The following WDFY1 variants were observed in gnomAD, a reference collection of about 807,000 sequenced individuals.
The protein encoded by WDFY1 is WD repeat and FYVE domain-containing protein 1.
WDFY1 carries 32 observed loss-of-function variants against 56.4 expected under a neutral mutation model. That is an observed-to-expected ratio of 0.57 (90% CI 0.43 to 0.76). The LOEUF (loss-of-function observed/expected upper bound fraction) is 0.76. WDFY1 is among the 30% of genes least tolerant of loss of function. The probability of loss-of-function intolerance (pLI) is 0.00; values close to 1 mark genes in which losing one functional copy is unlikely to be tolerated. For missense variants in WDFY1, 480 were observed against 545.7 expected, an observed-to-expected ratio of 0.88 and a Z score of 1.20; for synonymous variants, 192 against 197.3, an observed-to-expected ratio of 0.97 and a Z score of 0.23.
chr2:223,888,347 C>T (rs978467894), intron 8 of WDFY1, among the ~76,000 whole-genome samples: 2 of 151,986 alleles, frequency 1.3e-5, no homozygotes, highest in East Asian at 1.9e-4. Flanking sequence ...GGATTACAGG[C>T]GTGAGCCACT....
At chr2:223,917,643 G>A (rs1693810927) in intron 2 of WDFY1, among the ~76,000 whole-genome samples, 1 of 151,868 alleles carries the variant, frequency 6.6e-6, no homozygotes, top group Non-Finnish European at 1.5e-5. Context: ...GAGCAACCTT[G>A]ACCCATTGCA....
chr2:223,911,565 A>ACC (rs773973211), intron 3 of WDFY1, among the ~76,000 whole-genome samples: 8 of 99,420 alleles, frequency 8.0e-5, no homozygotes, highest in African/African-American at 2.5e-4. Context: ...TAGCTGAATG[A>ACC]CCACACACAC....
At chr2:223,934,638 G>A (rs560502490) in intron 1 of WDFY1, among the ~76,000 whole-genome samples, 2 of 151,818 alleles carry the variant, frequency 1.3e-5, no homozygotes, top group African/African-American at 2.4e-5. Context: ...CTCCTGCCTC[G>A]ACCTCCCCAG....
At chr2:223,930,320 A>G (rs1694053375) in intron 1 of WDFY1, among the ~76,000 whole-genome samples, 1 of 152,178 alleles carries the variant, frequency 6.6e-6, no homozygotes, top group African/African-American at 2.4e-5. Flanking sequence ...GAGATGGAAT[A>G]TATTTCTCTG....
chr2:223,921,418 T>C lies in WDFY1; in HGVS notation c.138-3408A>G, dbSNP rs1342081943. ...AAAGTCAAGACTGCAGGAAACTCCA[T>C]AGAGAAATGACTCACTTTCTTCTAC... On this transcript the variant is annotated intron_variant, in intron 1 of 11. Transcript: ENST00000233055. Among the ~76,000 whole-genome samples the C allele has an allele frequency of 3.9e-5, 6 of 151,956 alleles. No individual in the cohort carries two copies. The South Asian group carries it at 6.2e-4, about 16-fold the overall frequency.
chr2:223,898,390 CTTATT>C (rs888722415), intron 6 of WDFY1, among the ~76,000 whole-genome samples: 1 of 152,038 alleles, frequency 6.6e-6, no homozygotes, highest in African/African-American at 2.4e-5. Context: ...AGCACAATAA[CTTATT>C]TTATTTTTAT....
At chr2:223,912,437 G>C in intron 2 of WDFY1, 111 bp from the exon 3 acceptor site, 1 of 788,732 alleles carries the variant, frequency 1.3e-6, no homozygotes, top group Non-Finnish European at 1.9e-6. Context: ...TTCACAGAAA[G>C]AGGGTAAAAA....
chr2:223,885,008 A>G (rs1693148958), intron 8 of WDFY1, among the ~76,000 whole-genome samples: 1 of 151,544 alleles, frequency 6.6e-6, no homozygotes, highest in South Asian at 2.1e-4. Flanking sequence ...CTCCAGGCTA[A>G]TTTCTGTATT....
chr2:223,906,093 A>C (rs1021968299), intron 3 of WDFY1, 92 bp from the exon 4 acceptor site: 3 of 1,010,768 alleles, frequency 3.0e-6, no homozygotes. Flanking sequence ...TAAAATCCAA[A>C]AATGATTATC....
At chr2:223,884,338 A>G in intron 9 of WDFY1, among the ~76,000 whole-genome samples, 1 of 152,174 alleles carries the variant, frequency 6.6e-6, no homozygotes, top group East Asian at 1.9e-4. Flanking sequence ...GGCTAGCATA[A>G]AACACTGACT....
intron 7 of WDFY1, among the ~76,000 whole-genome samples, chr2:223,894,644 T>C (rs1693330442): frequency 2.0e-5 from 3 of 152,204 alleles, no homozygotes; most frequent in Admixed American, 1.3e-4. Context: ...TTCAGATGCA[T>C]AAGATTTACC....
chr2:223,922,766 A>G (rs532263392), intron 1 of WDFY1, among the ~76,000 whole-genome samples: 1 of 152,308 alleles, frequency 6.6e-6, no homozygotes, highest in South Asian at 2.1e-4. Context: ...TGCTGGGAGG[A>G]GAAAATCTTA....
rs146015494 is a variant in WDFY1, at chr2:223,933,709, C to A, written c.137+11439G>T. On this transcript the variant is annotated intron_variant, in intron 1 of 11. Coordinates refer to ENST00000233055, the MANE Select transcript of WDFY1 (RefSeq NM_020830.5). ...TGGTGGCACACGTCTGTTATCCCAG[C>A]TACTTGGCAGACTGAGGCTGGAGGA... Among the ~76,000 whole-genome samples, 922 of 151,922 alleles carry A rather than the reference C, an allele frequency of 6.1e-3. 9 individuals carry two copies. Among genetic ancestry groups the A allele is most frequent in the African/African-American group, 0.021 (886 of 41,438 alleles).
chr2:223,895,523 G>A lies in WDFY1; in HGVS notation c.706C>T (p.Leu236=). The A allele has an allele frequency of 6.2e-7, 1 of 1,613,980 alleles. No individual in the cohort carries two copies. Among genetic ancestry groups the A allele is most frequent in the Non-Finnish European group, 8.5e-7 (1 of 1,179,948 alleles). ...WDIGGRKGRT[L]LLQGHHDKVQ... ...ACGCACTGATGGCCCTGAAGTAACA[G>A]CGTCCGGCCTTTCCTTCCTCCGATG... The change falls in exon 7 of 12, where the codon CTG becomes TTG. Residue 236 remains leucine, a synonymous_variant. Transcript: ENST00000233055.
chr2:223,927,422 T>C (rs1007074341), intron 1 of WDFY1, among the ~76,000 whole-genome samples: 1 of 152,250 alleles, frequency 6.6e-6, no homozygotes, highest in Non-Finnish European at 1.5e-5. Context: ...TTTGCACTTT[T>C]ATGTTATGTA....
At chr2:223,902,045 G>A (rs918475309) in intron 4 of WDFY1, among the ~76,000 whole-genome samples, 2 of 152,208 alleles carry the variant, frequency 1.3e-5, no homozygotes, top group African/African-American at 4.8e-5. Flanking sequence ...AACTTTGCAT[G>A]TAGTAGATGT....
chr2:223,881,244 G>T (rs1693064707), intron 10 of WDFY1, among the ~76,000 whole-genome samples: 2 of 152,232 alleles, frequency 1.3e-5, no homozygotes, highest in Admixed American at 1.3e-4. Context: ...TTACATGCAT[G>T]TGTGAACAAA....
Position 223,883,618 on chromosome 2 carries a change from C to G in WDFY1, c.933+1030G>C, listed in dbSNP as rs896177053. The stretch of plus-strand genomic sequence containing the variant: ...TATGAGACCTTACTGTGGAGTATCT[C>G]TGAGTAAAATTTTTTAGATTTTATT... On this transcript the variant is annotated intron_variant, in intron 9 of 11. Coordinates refer to ENST00000233055, the MANE Select transcript of WDFY1 (RefSeq NM_020830.5). Among the ~76,000 whole-genome samples, 219 of 151,994 alleles carry G rather than the reference C, an allele frequency of 1.4e-3. 2 individuals are homozygous for G. The highest frequency in any genetic ancestry group is 6.8e-3 in the Middle Eastern group (2 of 294).
intron 1 of WDFY1, among the ~76,000 whole-genome samples, chr2:223,942,521 G>A (rs1689324483): frequency 1.0e-5 from 1 of 98,638 alleles, no homozygotes; most frequent in Admixed American, 1.1e-4. Context: ...CCTGGCCAAA[G>A]GCTAACTTTT....
Sources: allele counts gnomAD v4.1 joint callset (sites outside exome capture counted in the v4.1 genomes callset), GRCh38; gene constraint gnomAD v4.1.1; transcripts MANE v1.5; gene names NCBI Gene and HGNC (gene_info 2026-07-23, HGNC 2026-07-21).